The following CD226 variants were observed in gnomAD, a reference collection of about 807,000 sequenced individuals.
CD226 encodes CD226 antigen.
CD226 carries 24 observed loss-of-function variants against 34.9 expected under a neutral mutation model. That is an observed-to-expected ratio of 0.69 (90% CI 0.50 to 0.97). The LOEUF (loss-of-function observed/expected upper bound fraction) is 0.97, where lower values mean the gene tolerates loss of function less well. CD226 is among the 50% of genes least tolerant of loss of function. The pLI is 0.00. For synonymous variants in CD226, 148 were observed against 147.4 expected (o/e 1.00, Z -0.03); for missense variants, 397 against 412.7 (o/e 0.96, Z 0.33).
chr18:69,923,994 A>G (rs1762200113), intron 2 of CD226, among the ~76,000 whole-genome samples: 1 of 151,876 alleles, frequency 6.6e-6, no homozygotes, highest in Non-Finnish European at 1.5e-5. Context: ...GTGTCCTCAG[A>G]CTTCAAAATA....
rs1555675777 is a variant in CD226 at position 69,861,542 on chromosome 18, G to GTATATATATGTATA, written c.*2771_*2772insTATACATATATATA. 7.2e-5 allele frequency: 3 copies of GTATATATATGTATA among 41,524 alleles called. No individual in the cohort carries two copies. The highest frequency in any genetic ancestry group is 2.2e-3 in the East Asian group (2 of 914). 2.6% of individuals were successfully genotyped at this position (41,524 alleles called of 1,614,324 possible). A position where few individuals can be genotyped will look rare whatever the true frequency, so the allele number is the denominator to read the frequency against. ...TTATCCATCGATATAAATTATATGT[G>GTATATATATGTATA]TATATATATATGTATATATATATAT... On this transcript the variant is annotated 3_prime_UTR_variant, in exon 6 of 6. Transcript: ENST00000582621.
In CD226 at chr18:69,939,215, C is replaced by T. The variant is rs559069480; in HGVS notation, c.382+7519G>A. 5.9e-5 allele frequency among the ~76,000 whole-genome samples: 9 copies of T among 152,362 alleles called. No homozygotes were observed. The South Asian group carries it at 1.0e-3, about 18-fold the overall frequency. ...ATGAGCCTTAAAGACCCTTTCAGCC[C>T]TTCCTGATTCTATTCTATCCCCCAC... On this transcript the variant is annotated intron_variant, in intron 2 of 5. Coordinates refer to ENST00000582621, the MANE Select transcript of CD226 (RefSeq NM_001303618.2).
intron 2 of CD226, among the ~76,000 whole-genome samples, chr18:69,939,414 T>C (rs868212510): frequency 6.6e-6 from 1 of 152,264 alleles, no homozygotes; most frequent in Non-Finnish European, 1.5e-5. Flanking sequence ...ATGAGCTTCA[T>C]CCATGTCGGT....
chr18:69,867,756 AT>A (rs1452137895), intron 4 of CD226, among the ~76,000 whole-genome samples: 1 of 152,240 alleles, frequency 6.6e-6, no homozygotes, highest in Non-Finnish European at 1.5e-5. Flanking sequence ...ATTTTCCACA[AT>A]TAAAATTTAT....
At position 69,863,586 on chromosome 18, in the gene CD226, C is replaced by T. The variant is rs57987248; in HGVS notation, c.*728G>A. ...AAGTATGGACAGAGATACCCCATTT[C>T]TAGAATCCATCCCATATTTCACTTT... On this transcript the variant is annotated 3_prime_UTR_variant, in exon 6 of 6. Coordinates refer to ENST00000582621, the MANE Select transcript of CD226 (RefSeq NM_001303618.2). 1.3e-5 allele frequency: 2 copies of T among 152,192 alleles called. No homozygotes were observed. Among genetic ancestry groups the T allele is most frequent in the Admixed American group, 6.5e-5 (1 of 15,274 alleles). 9.4% of individuals were successfully genotyped at this position (152,192 alleles called of 1,614,324 possible). A position where few individuals can be genotyped will look rare whatever the true frequency, so the allele number is the denominator to read the frequency against.
intron 2 of CD226, among the ~76,000 whole-genome samples, chr18:69,929,859 T>C (rs12953332): frequency 0.76 from 116,158 of 152,184 alleles, 51,510 homozygotes; most frequent in East Asian, 1. Flanking sequence ...TCGAATATAT[T>C]ATGAAATCTG....
At chr18:69,933,077 C>T (rs533935152) in intron 2 of CD226, among the ~76,000 whole-genome samples, 10 of 152,282 alleles carry the variant, frequency 6.6e-5, no homozygotes, top group Middle Eastern at 3.4e-3. Flanking sequence ...GGGGCAGTGT[C>T]CTCCCTCACT....
At chr18:69,919,358 C>T (rs1364522577) in intron 2 of CD226, among the ~76,000 whole-genome samples, 1 of 152,104 alleles carries the variant, frequency 6.6e-6, no homozygotes, top group Non-Finnish European at 1.5e-5. Flanking sequence ...AAGGAAAAAA[C>T]TGACCGTTTA....
intron 2 of CD226, among the ~76,000 whole-genome samples, chr18:69,913,891 GGAA>G (rs762193447): frequency 1.3e-5 from 2 of 152,154 alleles, no homozygotes; most frequent in African/African-American, 2.4e-5. Flanking sequence ...GGGAGAAAAA[GGAA>G]GAAGATGTTT....
chr18:69,950,457 AAC>A (rs1008274152), upstream of CD226, among the ~76,000 whole-genome samples: 5 of 152,224 alleles, frequency 3.3e-5, no homozygotes, highest in Non-Finnish European at 1.5e-5. Flanking sequence ...AAAAGGAAGC[AAC>A]ACACACAGGC....
intron 2 of CD226, among the ~76,000 whole-genome samples, chr18:69,942,346 A>T (rs2055736265): frequency 6.6e-6 from 1 of 152,224 alleles, no homozygotes; most frequent in African/African-American, 2.4e-5. Context: ...TCCAATCTAC[A>T]GATGCCTATT....
chr18:69,902,543 T>C (rs573832108), intron 2 of CD226, among the ~76,000 whole-genome samples: 1 of 151,322 alleles, frequency 6.6e-6, no homozygotes, highest in Admixed American at 6.6e-5. Context: ...TCCTTCATGC[T>C]TTCTCTTCTT....
chr18:69,936,455 A>C (rs989352805), intron 2 of CD226, among the ~76,000 whole-genome samples: 5 of 152,152 alleles, frequency 3.3e-5, no homozygotes, highest in Non-Finnish European at 7.4e-5. Flanking sequence ...GAGTCTTAAA[A>C]TGTTTTTTAT....
chr18:69,870,270 C>T (rs576836005), intron 4 of CD226, among the ~76,000 whole-genome samples: 6 of 142,674 alleles, frequency 4.2e-5, no homozygotes, highest in African/African-American at 1.5e-4. Context: ...GTTTGGCTCC[C>T]CCTTTTTTTT....
At chr18:69,925,489 T>C (rs2055509745) in intron 2 of CD226, among the ~76,000 whole-genome samples, 1 of 151,956 alleles carries the variant, frequency 6.6e-6, no homozygotes, top group African/African-American at 2.4e-5. Flanking sequence ...TCCAAAACCA[T>C]ATTCCCCTCT....
chr18:69,909,658 A>T (rs756054215), intron 2 of CD226, among the ~76,000 whole-genome samples: 2 of 152,238 alleles, frequency 1.3e-5, no homozygotes, highest in Non-Finnish European at 2.9e-5. Context: ...GAAAAAACTA[A>T]CAGCAAGAGG....
intron 2 of CD226, among the ~76,000 whole-genome samples, chr18:69,930,351 G>A (rs1033948092): frequency 5.3e-5 from 8 of 152,196 alleles, no homozygotes; most frequent in Admixed American, 3.3e-4. Context: ...TGACTCAAAT[G>A]AGAAAGACTG....
intron 2 of CD226, among the ~76,000 whole-genome samples, chr18:69,904,248 C>T (rs2055223167): frequency 1.3e-5 from 2 of 152,318 alleles, no homozygotes; most frequent in South Asian, 2.1e-4. Flanking sequence ...GGCTGCGTGT[C>T]CTGCATGGCA....
intron 3 of CD226, among the ~76,000 whole-genome samples, chr18:69,880,173 AGGAAT>A (rs1023497528): frequency 4.0e-5 from 6 of 149,938 alleles, no homozygotes; most frequent in Middle Eastern, 3.4e-3. Flanking sequence ...GAAAGAGGAA[AGGAAT>A]GGAAGGGAAG....
Sources: gnomAD v4.1 joint callset for allele counts (sites outside exome capture counted in the v4.1 genomes callset) on GRCh38, gnomAD v4.1.1 for gene constraint, MANE v1.5 for transcripts, NCBI Gene and HGNC (gene_info 2026-07-23, HGNC 2026-07-21) for gene names.